DOT1L: variants seen among roughly 807,000 people sequenced by gnomAD.
The protein encoded by DOT1L is DOT1 like histone lysine methyltransferase, also known as histone-lysine N-methyltransferase, H3 lysine-79 specific.
Under a neutral mutation model 153.3 loss-of-function variants are expected in DOT1L, and 33 were observed. That is an observed-to-expected ratio of 0.22 (90% CI 0.16 to 0.29). DOT1L has a LOEUF of 0.29. DOT1L is among the 10% of genes least tolerant of loss of function. The pLI, the probability that DOT1L is intolerant of heterozygous loss-of-function variation, is 1.00. For synonymous variants in DOT1L, 1,135 were observed against 965.1 expected (o/e 1.18, Z -3.26); for missense variants, 1,847 against 2,119.9 (o/e 0.87, Z 2.53).
chr19:2,216,907 G>T (rs751379421), intron 20 of DOT1L, 48 bp from the exon 21 acceptor site: 3 of 1,580,652 alleles, frequency 1.9e-6, no homozygotes, highest in Non-Finnish European at 1.7e-6. Flanking sequence ...CGCTGCCTCT[G>T]AGTGCCAGCC....
At chr19:2,164,393 G>A (rs964013791) in intron 1 of DOT1L, 128 bp downstream of exon 1, 3 of 552,782 alleles carry the variant, frequency 5.4e-6, no homozygotes, top group Non-Finnish European at 7.9e-6. Flanking sequence ...GGACTCCACT[G>A]TCGCTGCTCC....
chr19:2,228,212 C>T (rs751048650), intron 27 of DOT1L: 3 of 1,364,272 alleles, frequency 2.2e-6, no homozygotes, highest in Admixed American at 1.9e-5. Context: ...ACCACCAGCC[C>T]CTGCCCCGGC....
chr19:2,169,717 G>A (rs1269229815), intron 1 of DOT1L, among the ~76,000 whole-genome samples: 1 of 152,194 alleles, frequency 6.6e-6, no homozygotes, highest in East Asian at 1.9e-4. Flanking sequence ...TATATTTGGG[G>A]TAATTCGAGC....
chr19:2,228,092 A>G (rs763172952), intron 27 of DOT1L: 2 of 1,345,616 alleles, frequency 1.5e-6, no homozygotes, highest in Non-Finnish European at 2.0e-6. Flanking sequence ...CGCCTAACCA[A>G]GCTTTCTTGC....
At chr19:2,187,908 C>T (rs1302074565) in intron 3 of DOT1L, among the ~76,000 whole-genome samples, 77 of 133,592 alleles carry the variant, frequency 5.8e-4, no homozygotes, top group Admixed American at 4.5e-3. Context: ...GGTGACAGAG[C>T]GAGACTCCAT....
chr19:2,175,519 T>G (rs1197649956), intron 1 of DOT1L, among the ~76,000 whole-genome samples: 1 of 152,212 alleles, frequency 6.6e-6, no homozygotes, highest in African/African-American at 2.4e-5. Flanking sequence ...AATATTATCA[T>G]TTTATCATGT....
At chr19:2,183,718 CG>C (rs2022352766) in intron 2 of DOT1L, among the ~76,000 whole-genome samples, 2 of 151,866 alleles carry the variant, frequency 1.3e-5, no homozygotes, top group South Asian at 4.2e-4. Context: ...CCTCCGTCTC[CG>C]GGGTTCAAGT....
chr19:2,229,660 A>G, intron 27 of DOT1L, 125 bp from the exon 28 acceptor site: 5 of 1,596,954 alleles, frequency 3.1e-6, no homozygotes, highest in Non-Finnish European at 4.2e-6. Context: ...TATGCCTGTC[A>G]TGGTGCTGGC....
intron 1 of DOT1L, among the ~76,000 whole-genome samples, chr19:2,176,161 C>T (rs975971353): frequency 9.9e-5 from 15 of 152,180 alleles, no homozygotes; most frequent in African/African-American, 2.7e-4. Flanking sequence ...GGAATGTCAC[C>T]GCTTGGCCTT....
chr19:2,189,871 G>A lies in DOT1L; in HGVS notation c.264+76G>A, dbSNP rs1206901120. ...ACCCCTCCAGACCCCTTATGTCACC[G>A]CCTCGGGGCACAGAGCTCCCCTTAG... On this transcript the variant is annotated intron_variant, in intron 4 of 27. Transcript: ENST00000398665. The A allele has an allele frequency of 2.1e-5, 32 of 1,505,112 alleles. 1 individual carries two copies. The highest frequency in any genetic ancestry group is 1.8e-4 in the East Asian group (8 of 44,146). The allele number at this position is 1,505,112 out of a possible 1,614,324, so 93.2% of individuals were successfully genotyped here. A position where few individuals can be genotyped will look rare whatever the true frequency, so the allele number is the denominator to read the frequency against.
rs1360963095 is a variant in DOT1L, at chr19:2,232,039, T to G, written c.*2247T>G. 1 of 209,394 alleles carries G rather than the reference T, an allele frequency of 4.8e-6. No homozygotes were observed. The highest frequency in any genetic ancestry group is 9.7e-6 in the Non-Finnish European group (1 of 102,994). 13.0% of individuals were successfully genotyped at this position (209,394 alleles called of 1,614,324 possible). On this transcript the variant is annotated 3_prime_UTR_variant, in exon 28 of 28. Transcript: ENST00000398665. ...GTGTTCTTCTCAGACACTCCCAGAC[T>G]GAGGGGTGGTGTGTGGCGGGTGGCA...
At position 2,190,470 on chromosome 19, in the gene DOT1L, G is replaced by A. The variant is rs1476197484; in HGVS notation, c.265-542G>A. Among the ~76,000 whole-genome samples, 1 of 152,086 alleles carries A rather than the reference G, an allele frequency of 6.6e-6. No homozygotes were observed. ...GGGCTGCCCCATCAGCCTGCCACCC[G>A]GCTCTGGCTTCCCCTCAACCTCATG... is the stretch of plus-strand genomic sequence containing the variant. On this transcript the variant is annotated intron_variant, in intron 4 of 27. Transcript: ENST00000398665. The surrounding 1 kb of genome is among the most constrained non-coding windows in gnomAD (Gnocchi z 4.8).
Position 2,222,163 on chromosome 19 carries a change from T to C in DOT1L, c.2994T>C (p.Leu998=). The change falls in exon 24 of 28, where the codon CTT becomes CTC. Residue 998 remains leucine, a synonymous_variant. Coordinates refer to ENST00000398665, the MANE Select transcript of DOT1L (RefSeq NM_032482.3). The surrounding 1 kb of genome is among the most constrained non-coding windows in gnomAD (Gnocchi z 6.5). ...TGCTGGCACAGCCCCGGAACTCGCTTCCTGCCTCTCCCGCCCACCAGCTCT... is the reference window on the plus strand; with the variant it reads ...TGCTGGCACAGCCCCGGAACTCGCTCCCTGCCTCTCCCGCCCACCAGCTCT... The part of the protein sequence containing the change: ...PLLLAQPRNS[L]PASPAHQLSS... 6.2e-7 allele frequency: 1 copy of C among 1,612,944 alleles called. No individual in the cohort carries two copies. The highest frequency in any genetic ancestry group is 1.1e-5 in the South Asian group (1 of 91,070).
rs111285575 is a variant in DOT1L, at chr19:2,222,768, C to T, written c.3390+209C>T. On this transcript the variant is annotated intron_variant, in intron 24 of 27. Coordinates refer to ENST00000398665, the MANE Select transcript of DOT1L (RefSeq NM_032482.3). This position sits in a 1 kb window ranked among gnomAD's most constrained non-coding sequence, Gnocchi z 6.5. ...ACAAAAGATTAGCCGGGCGTGGTGG[C>T]GGGTGCCTGGGAGGCTGAGGCAGGA... 2,960 of 568,242 alleles carry T rather than the reference C, an allele frequency of 5.2e-3. 59 individuals are homozygous for T. Among genetic ancestry groups the T allele is most frequent in the African/African-American group, 0.049 (2,573 of 52,694 alleles). 35.2% of individuals were successfully genotyped at this position (568,242 alleles called of 1,614,324 possible). A position where few individuals can be genotyped will look rare whatever the true frequency, so the allele number is the denominator to read the frequency against.
In DOT1L at chr19:2,226,855, C is replaced by T. The variant is rs759402429; in HGVS notation, c.4334C>T (p.Ala1445Val). ...PGSLLSGPGLAPAASSAGGAA... is the reference protein window; with the variant it reads ...PGSLLSGPGLVPAASSAGGAA... ...AGCCTCCTCAGCGGCCCCGGCCTGGCCCCGGCGGCGTCCTCCGCAGGCGGC... is the reference window on the plus strand; with the variant it reads ...AGCCTCCTCAGCGGCCCCGGCCTGGTCCCGGCGGCGTCCTCCGCAGGCGGC... The change falls in exon 27 of 28, where the codon GCC (alanine) becomes GTC (valine). Residue 1445 changes from alanine to valine, a missense_variant. Transcript: ENST00000398665. The T allele has an allele frequency of 6.3e-7, 1 of 1,578,102 alleles. No individual in the cohort carries two copies. The highest frequency in any genetic ancestry group is 1.1e-5 in the South Asian group (1 of 88,180).
In DOT1L at chr19:2,197,583, G is replaced by C. The variant is rs961562533; in HGVS notation, c.652-2301G>C. Reference sequence around the variant, plus strand: ...TGGGGCCTGGGTCCATGACACGGCTGAGCAGCATGGTGTCTAGTGTGGCAC... The same window carrying C: ...TGGGGCCTGGGTCCATGACACGGCTCAGCAGCATGGTGTCTAGTGTGGCAC... On this transcript the variant is annotated intron_variant, in intron 7 of 27. Transcript: ENST00000398665. The surrounding 1 kb of genome is among the most constrained non-coding windows in gnomAD (Gnocchi z 4.1). Among the ~76,000 whole-genome samples the C allele has an allele frequency of 3.9e-5, 6 of 152,244 alleles. No individual in the cohort carries two copies. Among genetic ancestry groups the C allele is most frequent in the African/African-American group, 1.4e-4 (6 of 41,460 alleles).
intron 1 of DOT1L, among the ~76,000 whole-genome samples, chr19:2,173,603 G>C (rs1299881435): frequency 6.6e-6 from 1 of 152,180 alleles, no homozygotes; most frequent in South Asian, 2.1e-4. Flanking sequence ...GAGGCCAGCC[G>C]GGTGGTGCCA....
At position 2,222,435 on chromosome 19, in the gene DOT1L, G is replaced by A. The variant is rs762399335; in HGVS notation, c.3266G>A (p.Arg1089Gln). 1.4e-5 allele frequency: 23 copies of A among 1,609,372 alleles called. No individual in the cohort carries two copies. The highest frequency in any genetic ancestry group is 6.7e-5 in the African/African-American group (5 of 74,896). Residue 1089 changes from arginine (R) to glutamine (Q), a missense_variant, in exon 24 of 28, where the codon CGG (arginine) becomes CAG (glutamine). Physicochemically the swap from Arg to Gln is conservative, Grantham distance 43. Transcript: ENST00000398665. The surrounding 1 kb of genome is among the most constrained non-coding windows in gnomAD (Gnocchi z 6.5). ...CAGGACAGTCGCAGGCGCGGCCGGC[G>A]GAAGCGAGCATCTGCGGGGACGCCC... ...HGQDSRRRGRRKRASAGTPSL... is the reference protein window; with the variant it reads ...HGQDSRRRGRQKRASAGTPSL...
In DOT1L at chr19:2,197,372, A is replaced by G. The variant is rs928797566; in HGVS notation, c.652-2512A>G. Reference sequence around the variant, plus strand: ...AGGCGAGCCACACAGATCCCAGCACAGAGGATGGAAGCCCTCGCCATGGTT... The same window carrying G: ...AGGCGAGCCACACAGATCCCAGCACGGAGGATGGAAGCCCTCGCCATGGTT... On this transcript the variant is annotated intron_variant, in intron 7 of 27. Coordinates refer to ENST00000398665, the MANE Select transcript of DOT1L (RefSeq NM_032482.3). This position sits in a 1 kb window ranked among gnomAD's most constrained non-coding sequence, Gnocchi z 4.1. Among the ~76,000 whole-genome samples the G allele has an allele frequency of 6.6e-6, 1 of 152,202 alleles. No individual in the cohort carries two copies. Among genetic ancestry groups the G allele is most frequent in the Non-Finnish European group, 1.5e-5 (1 of 68,032 alleles).
Sources: allele counts gnomAD v4.1 joint callset (sites outside exome capture counted in the v4.1 genomes callset), GRCh38; gene constraint gnomAD v4.1.1; non-coding constraint Gnocchi (gnomAD v3.1); transcripts MANE v1.5; gene names NCBI Gene and HGNC (gene_info 2026-07-23, HGNC 2026-07-21).